The following OSBPL9 variants were observed in gnomAD, a reference collection of about 807,000 sequenced individuals.
The protein encoded by OSBPL9 is oxysterol-binding protein-related protein 9.
In OSBPL9, 40 loss-of-function variants were observed where a neutral mutation model predicts 106.6. The ratio of observed to expected loss-of-function variants is 0.38; its 90% CI spans 0.29 to 0.49. OSBPL9 has a LOEUF of 0.49. Ranked by LOEUF, OSBPL9 falls within the 20% of genes least tolerant of loss-of-function variation. The probability of loss-of-function intolerance (pLI) is 0.97; values close to 1 mark genes in which losing one functional copy is unlikely to be tolerated. For missense variants in OSBPL9, 609 were observed against 887.2 expected (o/e 0.69, Z 3.98); for synonymous variants, 269 against 295.4 (o/e 0.91, Z 0.92).
chr1:51,786,707 G>A, intron 22 of OSBPL9, 90 bp downstream of exon 22: 1 of 1,043,932 alleles, frequency 9.6e-7, no homozygotes, highest in Non-Finnish European at 1.5e-6. Flanking sequence ...AGACAGTAGG[G>A]CAGAGCATAA....
intron 4 of OSBPL9, among the ~76,000 whole-genome samples, chr1:51,732,563 C>T (rs74784182): frequency 0.012 from 1,815 of 152,276 alleles, 38 homozygotes; most frequent in African/African-American, 0.042. Context: ...TACTTTCCAT[C>T]TTCCTTATTT....
intron 12 of OSBPL9, among the ~76,000 whole-genome samples, chr1:51,771,224 G>A (rs1673815404): frequency 1.3e-5 from 2 of 152,340 alleles, no homozygotes; most frequent in South Asian, 2.1e-4. Context: ...GTGTAGAGTT[G>A]TAATAAGACT....
the OSBPL9 span, chr1:51,567,077 T>C: frequency 2.0e-5 from 3 of 152,270 alleles, no homozygotes; most frequent in African/African-American, 7.2e-5. Context: ...TCTGTGATTA[T>C]CTTTTCTAAG....
At chr1:51,657,532 G>A (rs536276147) in intron 2 of OSBPL9, among the ~76,000 whole-genome samples, 1 of 152,304 alleles carries the variant, frequency 6.6e-6, no homozygotes, top group South Asian at 2.1e-4. Context: ...AATTCTTAAT[G>A]TTACTAGGCT....
intron 1 of OSBPL9, among the ~76,000 whole-genome samples, chr1:51,628,632 TTATGACTTTAC>T (rs1644916589): frequency 1.3e-5 from 2 of 151,788 alleles, no homozygotes; most frequent in African/African-American, 2.4e-5. Context: ...AAATTTTTTA[TTATGACTTTAC>T]TATGACTTTG....
intron 3 of OSBPL9, among the ~76,000 whole-genome samples, chr1:51,680,320 T>G (rs1652249264): frequency 6.6e-6 from 1 of 152,074 alleles, no homozygotes; most frequent in South Asian, 2.1e-4. Context: ...CTAAGTATTA[T>G]GTCATGATCC....
chr1:51,744,170 T>C (rs1571479430), intron 4 of OSBPL9, among the ~76,000 whole-genome samples: 1 of 152,310 alleles, frequency 6.6e-6, no homozygotes, highest in South Asian at 2.1e-4. Flanking sequence ...AAAATTCTAT[T>C]TTTTCTTTGG....
chr1:51,692,170 G>A (rs941989868), intron 3 of OSBPL9, among the ~76,000 whole-genome samples: 3 of 152,032 alleles, frequency 2.0e-5, no homozygotes, highest in African/African-American at 7.3e-5. Context: ...TTAGCCAGGC[G>A]TGGTAGCATG....
intron 1 of OSBPL9, among the ~76,000 whole-genome samples, chr1:51,634,220 A>G (rs1429176292): frequency 2.0e-5 from 3 of 152,094 alleles, no homozygotes; most frequent in Non-Finnish European, 2.9e-5. Context: ...CTAAATAGGG[A>G]AAAAGGTCCT....
chr1:51,725,423 C>G (rs184665038), intron 4 of OSBPL9, among the ~76,000 whole-genome samples: 1 of 152,298 alleles, frequency 6.6e-6, no homozygotes, highest in African/African-American at 2.4e-5. Flanking sequence ...CCTGCAACAT[C>G]CAAGTCTAGT....
At chr1:51,733,812 A>T (rs1432664344) in intron 4 of OSBPL9, among the ~76,000 whole-genome samples, 1 of 151,586 alleles carries the variant, frequency 6.6e-6, no homozygotes, top group Admixed American at 6.6e-5. Context: ...GACTTCCAGG[A>T]CTCCCCACCT....
At chr1:51,519,927 C>A in the OSBPL9 span, among the ~76,000 whole-genome samples, 1 of 152,226 alleles carries the variant, frequency 6.6e-6, no homozygotes, top group Non-Finnish European at 1.5e-5. Context: ...TTGCCTGGTG[C>A]CTGTCACATT....
chr1:51,712,738 T>A (rs1386243630), intron 3 of OSBPL9, among the ~76,000 whole-genome samples: 1 of 152,232 alleles, frequency 6.6e-6, no homozygotes, highest in African/African-American at 2.4e-5. Flanking sequence ...CTCATTTATG[T>A]GTGGTTTTGT....
At chr1:51,723,892 T>C (rs1274175090) in intron 4 of OSBPL9, among the ~76,000 whole-genome samples, 1 of 152,214 alleles carries the variant, frequency 6.6e-6, no homozygotes, top group African/African-American at 2.4e-5. Context: ...TTGGATCATA[T>C]GGTAAATATA....
chr1:51,627,714 C>A (rs921427037), intron 1 of OSBPL9, among the ~76,000 whole-genome samples: 3 of 149,838 alleles, frequency 2.0e-5, no homozygotes, highest in African/African-American at 7.5e-5. Flanking sequence ...AAATGTCTCT[C>A]CTAATTCTGT....
At chr1:51,618,329 T>C (rs917571146) in intron 1 of OSBPL9, among the ~76,000 whole-genome samples, 2 of 152,186 alleles carry the variant, frequency 1.3e-5, no homozygotes, top group Non-Finnish European at 2.9e-5. Flanking sequence ...TTGAATCTTA[T>C]GTTTTGACTA....
intron 1 of OSBPL9, among the ~76,000 whole-genome samples, chr1:51,618,465 T>G (rs1350794877): frequency 1.3e-5 from 2 of 151,982 alleles, no homozygotes; most frequent in Non-Finnish European, 1.5e-5. Context: ...AGAAAATACA[T>G]AAGAGGACAA....
intron 21 of OSBPL9, chr1:51,786,304 A>T: frequency 2.1e-6 from 1 of 482,118 alleles, no homozygotes; most frequent in Non-Finnish European, 3.7e-6. Context: ...CAGAGATACC[A>T]AAATGAGTTA....
In OSBPL9 at chr1:51,737,773, A is replaced by C. The variant is rs367543370; in HGVS notation, c.319-7763A>C. Among the ~76,000 whole-genome samples, 27 of 152,086 alleles carry C rather than the reference A, an allele frequency of 1.8e-4. No individual in the cohort carries two copies. The East Asian group carries it at 4.0e-3, about 23-fold the overall frequency. ...AGAACCTGTAAACTCATTTCATTTT[A>C]GGTTTTGTAGTTTTTTAAAAAGGCA... On this transcript the variant is annotated intron_variant, in intron 4 of 23. Transcript: ENST00000428468.
Sources: allele counts gnomAD v4.1 joint callset (sites outside exome capture counted in the v4.1 genomes callset), GRCh38; gene constraint gnomAD v4.1.1; transcripts MANE v1.5; gene names NCBI Gene and HGNC (gene_info 2026-07-23, HGNC 2026-07-21).